VIPR2: variants seen among roughly 807,000 people sequenced by gnomAD.
VIPR2 encodes vasoactive intestinal polypeptide receptor 2.
A neutral mutation model predicts 58.0 loss-of-function variants in VIPR2; 48 were observed. The observed-to-expected ratio is 0.83, with a 90% confidence interval of 0.66 to 1.05. The LOEUF (loss-of-function observed/expected upper bound fraction) is 1.05. Among genes scored for constraint, VIPR2 ranks in the 50% least tolerant of loss-of-function variants. The probability of loss-of-function intolerance (pLI) is 0.00; values close to 1 mark genes in which losing one functional copy is unlikely to be tolerated. For missense variants in VIPR2, 534 were observed against 558.0 expected (o/e 0.96, Z 0.43); for synonymous variants, 243 against 235.2 (o/e 1.03, Z -0.30).
chr7:159,131,564 C>G (rs1192826516), intron 2 of VIPR2, among the ~76,000 whole-genome samples: 1 of 152,240 alleles, frequency 6.6e-6, no homozygotes, highest in Non-Finnish European at 1.5e-5. Context: ...CCTCTCCCCA[C>G]AGGACTTTGC....
intron 2 of VIPR2, among the ~76,000 whole-genome samples, chr7:159,118,782 G>A (rs989332742): frequency 2.0e-5 from 3 of 152,248 alleles, no homozygotes; most frequent in African/African-American, 7.2e-5. Context: ...CCAGAACAAC[G>A]TGGCTCCCAC....
intron 6 of VIPR2, among the ~76,000 whole-genome samples, chr7:159,037,980 A>T (rs1405749490): frequency 6.6e-6 from 1 of 152,204 alleles, no homozygotes; most frequent in Non-Finnish European, 1.5e-5. Flanking sequence ...TTACATATGT[A>T]TGGGTGGATA....
chr7:159,087,837 A>G (rs1285565382), intron 4 of VIPR2, among the ~76,000 whole-genome samples: 1 of 147,150 alleles, frequency 6.8e-6, no homozygotes, highest in Non-Finnish European at 1.5e-5. Context: ...CAGGACTCAG[A>G]TAGTGAGATA....
Position 159,031,683 on chromosome 7 carries a change from A to T in VIPR2, c.1143+145T>A, listed in dbSNP as rs1242721185. On this transcript the variant is annotated intron_variant, in intron 12 of 12. Coordinates refer to ENST00000262178, the MANE Select transcript of VIPR2 (RefSeq NM_003382.5). The surrounding 1 kb of genome is among the most constrained non-coding windows in gnomAD (Gnocchi z 4.0). ...TGCCTGTGTCGTTGTGGGTTCTCTG[A>T]TGGGGACACAGAACTGTGGGGTCCC... 2.7e-6 allele frequency: 4 copies of T among 1,507,772 alleles called. No homozygotes were observed. Among genetic ancestry groups the T allele is most frequent in the Non-Finnish European group, 3.5e-6 (4 of 1,134,052 alleles). The allele number at this position is 1,507,772 out of a possible 1,614,324, so 93.4% of individuals were successfully genotyped here.
At chr7:159,062,731 T>C (rs190758500) in intron 4 of VIPR2, among the ~76,000 whole-genome samples, 131 of 152,284 alleles carry the variant, frequency 8.6e-4, no homozygotes, top group African/African-American at 3.0e-3. Flanking sequence ...CCACAGCACA[T>C]AAGGAGACCC....
intron 1 of VIPR2, 200 bp downstream of exon 1, chr7:159,144,521 A>C: frequency 3.3e-6 from 5 of 1,521,552 alleles, no homozygotes; most frequent in Non-Finnish European, 3.5e-6. Flanking sequence ...CGAGTCCCGC[A>C]ACCCGGCGGG....
Position 159,031,480 on chromosome 7 carries a change from T to C in VIPR2, c.1143+348A>G. The C allele has an allele frequency of 1.0e-5, 10 of 984,006 alleles. No individual in the cohort carries two copies. The highest frequency in any genetic ancestry group is 1.2e-5 in the Non-Finnish European group (10 of 829,366). 61.0% of individuals were successfully genotyped at this position (984,006 alleles called of 1,614,324 possible). ...CCCCACCCCCCAACCCAGGCCCGGC[T>C]TTCTGGGACTCACAAGCTATGGTCA... On this transcript the variant is annotated intron_variant, in intron 12 of 12. Coordinates refer to ENST00000262178, the MANE Select transcript of VIPR2 (RefSeq NM_003382.5). The surrounding 1 kb of genome is among the most constrained non-coding windows in gnomAD (Gnocchi z 4.0).
intron 3 of VIPR2, 127 bp from the exon 4 acceptor site, chr7:159,103,981 A>G: frequency 1.3e-6 from 1 of 773,696 alleles, no homozygotes; most frequent in South Asian, 1.7e-5. Flanking sequence ...GCTAGGAGAC[A>G]GGACTGCCAC....
At chr7:159,050,458 A>G (rs1485609152) in intron 5 of VIPR2, among the ~76,000 whole-genome samples, 1 of 151,938 alleles carries the variant, frequency 6.6e-6, no homozygotes, top group Non-Finnish European at 1.5e-5. Context: ...GAAAACAGAT[A>G]AAGAAATGGA....
rs1177783580 is a variant in VIPR2, at chr7:159,121,980, CAG to C, written c.152-12063_152-12062del. 2.6e-5 allele frequency among the ~76,000 whole-genome samples: 4 copies of C among 152,318 alleles called. No homozygotes were observed. The East Asian group carries it at 7.7e-4, about 29-fold the overall frequency. On this transcript the variant is annotated intron_variant, in intron 2 of 12. Coordinates refer to ENST00000262178, the MANE Select transcript of VIPR2 (RefSeq NM_003382.5). ...ACAACTGATTGGTACGAATCATTGACAGATACAAAAGCCAAGACGTGAAAAGT... is the reference window on the plus strand; with the variant it reads ...ACAACTGATTGGTACGAATCATTGACATACAAAAGCCAAGACGTGAAAAGT...
chr7:159,080,505 G>A (rs1295183563), intron 4 of VIPR2, among the ~76,000 whole-genome samples: 7 of 151,156 alleles, frequency 4.6e-5, no homozygotes, highest in African/African-American at 9.7e-5. Flanking sequence ...ACCCACAGCC[G>A]ATATCATACT....
intron 5 of VIPR2, among the ~76,000 whole-genome samples, chr7:159,055,117 G>A (rs1855232027): frequency 6.6e-6 from 1 of 152,076 alleles, no homozygotes; most frequent in Non-Finnish European, 1.5e-5. Context: ...TTTTTTGAGT[G>A]GAATACTATA....
At chr7:159,079,926 G>A (rs1856820421) in intron 4 of VIPR2, among the ~76,000 whole-genome samples, 1 of 152,288 alleles carries the variant, frequency 6.6e-6, no homozygotes, top group South Asian at 2.1e-4. Context: ...GGAAGAAGTT[G>A]AATCTCTGAA....
At chr7:159,122,925 G>T (rs1305917702) in intron 2 of VIPR2, among the ~76,000 whole-genome samples, 1 of 152,126 alleles carries the variant, frequency 6.6e-6, no homozygotes, top group African/African-American at 2.4e-5. Context: ...TTGTTGTGCA[G>T]ACTATTTCAT....
In VIPR2 at chr7:159,093,777, G is replaced by A. The variant is rs534037881; in HGVS notation, c.357+9980C>T. ...GTCCGGAGATGGGAGACCCCGCAGC[G>A]TCCCTGGGTCCGGACAGGGGAGAGG... On this transcript the variant is annotated intron_variant, in intron 4 of 12. Transcript: ENST00000262178. This position sits in a 1 kb window ranked among gnomAD's most constrained non-coding sequence, Gnocchi z 6.7. 1.2e-3 allele frequency among the ~76,000 whole-genome samples: 184 copies of A among 151,870 alleles called. 1 individual carries two copies. The highest frequency in any genetic ancestry group is 1.0e-3 in the African/African-American group (43 of 41,434).
rs151141610 is a variant in VIPR2, at chr7:159,128,213, C to T, written c.151+14233G>A. On this transcript the variant is annotated intron_variant, in intron 2 of 12. Coordinates refer to ENST00000262178, the MANE Select transcript of VIPR2 (RefSeq NM_003382.5). The surrounding 1 kb of genome is among the most constrained non-coding windows in gnomAD (Gnocchi z 4.1). Reference sequence around the variant, plus strand: ...GCAGCTGTGCCCAGGGTCCACAGAACGGCCGGCCATGGTGTGGAACAGCTG... The same window carrying T: ...GCAGCTGTGCCCAGGGTCCACAGAATGGCCGGCCATGGTGTGGAACAGCTG... 9.3e-3 allele frequency among the ~76,000 whole-genome samples: 1,420 copies of T among 152,228 alleles called. 22 individuals carry two copies. The highest frequency in any genetic ancestry group is 0.032 in the African/African-American group (1,326 of 41,538).
intron 4 of VIPR2, among the ~76,000 whole-genome samples, chr7:159,083,724 G>A (rs1312571864): frequency 1.3e-5 from 2 of 152,236 alleles, no homozygotes; most frequent in Non-Finnish European, 2.9e-5. Flanking sequence ...CCATCCAGGA[G>A]GTATGCAGTT....
chr7:159,123,917 T>C (rs1796563434), intron 2 of VIPR2, among the ~76,000 whole-genome samples: 1 of 152,252 alleles, frequency 6.6e-6, no homozygotes, highest in South Asian at 2.1e-4. Flanking sequence ...GTTGACCTTT[T>C]TTCCATATGC....
intron 2 of VIPR2, chr7:159,117,180 C>T (rs962390254): frequency 5.5e-5 from 35 of 631,662 alleles, no homozygotes; most frequent in African/African-American, 1.5e-4. Context: ...GCCGAGCAGT[C>T]GGGCTTCTGG....
Sources: gnomAD v4.1 joint callset for allele counts (sites outside exome capture counted in the v4.1 genomes callset) on GRCh38, gnomAD v4.1.1 for gene constraint, Gnocchi (gnomAD v3.1) non-coding constraint, MANE v1.5 for transcripts, NCBI Gene and HGNC (gene_info 2026-07-23, HGNC 2026-07-21) for gene names.